The following THSD7B variants were observed in gnomAD, a reference collection of about 807,000 sequenced individuals.
The protein encoded by THSD7B is thrombospondin type-1 domain-containing protein 7B.
A neutral mutation model predicts 213.6 loss-of-function variants in THSD7B; 138 were observed. The observed-to-expected ratio is 0.65, with a 90% CI of 0.56 to 0.74. THSD7B has a LOEUF of 0.74. THSD7B is among the 30% of genes least tolerant of loss of function. THSD7B has a pLI of 0.00. For missense variants in THSD7B, 1,931 were observed against 1,991.5 expected (o/e 0.97, Z 0.58); for synonymous variants, 742 against 687.0 (o/e 1.08, Z -1.25).
At chr2:137,091,487 C>G (rs557606000) in intron 3 of THSD7B, among the ~76,000 whole-genome samples, 22 of 144,438 alleles carry the variant, frequency 1.5e-4, no homozygotes, top group African/African-American at 5.8e-4. Context: ...GGTCAAACAA[C>G]AGATTTTTAT....
chr2:137,280,690 T>G (rs1372284798), intron 12 of THSD7B, among the ~76,000 whole-genome samples: 2 of 152,146 alleles, frequency 1.3e-5, no homozygotes, highest in Non-Finnish European at 2.9e-5. Flanking sequence ...AGTCTTGTGC[T>G]TTATCAGAAT....
intron 27 of THSD7B, among the ~76,000 whole-genome samples, chr2:137,670,597 C>G (rs1030277396): frequency 2.6e-5 from 4 of 152,102 alleles, no homozygotes; most frequent in Admixed American, 2.6e-4. Flanking sequence ...TATCTTACAT[C>G]ATATATAAAT....
intron 1 of THSD7B, among the ~76,000 whole-genome samples, chr2:136,843,126 A>G (rs1291842365): frequency 6.8e-6 from 1 of 147,154 alleles, no homozygotes; most frequent in Non-Finnish European, 1.5e-5. Flanking sequence ...CTTTGCTTCC[A>G]AATACGGCAT....
Position 136,793,044 on chromosome 2 carries a change from C to T in THSD7B, c.-36+27357C>T, listed in dbSNP as rs144452099. Among the ~76,000 whole-genome samples, 425 of 152,046 alleles carry T rather than the reference C, an allele frequency of 2.8e-3. 2 individuals are homozygous for T. The highest frequency in any genetic ancestry group is 9.5e-3 in the African/African-American group (394 of 41,506). On this transcript the variant is annotated intron_variant, in intron 1 of 27. Coordinates refer to ENST00000409968, the MANE Select transcript of THSD7B (RefSeq NM_001316349.2). The stretch of plus-strand genomic sequence containing the variant: ...CTGCTATGAATAATGCTGCTATAAA[C>T]ATTTGGCTACACGTCTTTCTGTGTG...
chr2:137,060,906 G>C (rs547941281), intron 3 of THSD7B, among the ~76,000 whole-genome samples: 1 of 151,618 alleles, frequency 6.6e-6, no homozygotes, highest in Non-Finnish European at 1.5e-5. Flanking sequence ...GATTTTGATT[G>C]GGATTGCATG....
chr2:136,963,192 G>A (rs1685255121), intron 2 of THSD7B, among the ~76,000 whole-genome samples: 1 of 152,148 alleles, frequency 6.6e-6, no homozygotes. Context: ...GTTTGACACT[G>A]CATGCTATCT....
chr2:136,785,085 C>T (rs1383552847), intron 1 of THSD7B, among the ~76,000 whole-genome samples: 1 of 152,162 alleles, frequency 6.6e-6, no homozygotes, highest in Non-Finnish European at 1.5e-5. Context: ...TTCTGGCCCG[C>T]AGGAGTCTGC....
intron 12 of THSD7B, among the ~76,000 whole-genome samples, chr2:137,404,117 T>G (rs1019104667): frequency 2.0e-5 from 3 of 151,966 alleles, no homozygotes; most frequent in Admixed American, 6.6e-5. Flanking sequence ...TCAGTAAAAA[T>G]TTAAGCAAAA....
intron 15 of THSD7B, among the ~76,000 whole-genome samples, chr2:137,507,405 C>T (rs1285269344): frequency 2.0e-5 from 3 of 152,078 alleles, no homozygotes; most frequent in South Asian, 2.1e-4. Flanking sequence ...CTTTGGGGTT[C>T]GGTGATTTGA....
At chr2:137,609,182 A>C (rs191218164) in intron 17 of THSD7B, among the ~76,000 whole-genome samples, 1 of 152,120 alleles carries the variant, frequency 6.6e-6, no homozygotes, top group Admixed American at 6.6e-5. Flanking sequence ...GTTGAAATCT[A>C]TTGTCGAGTA....
At chr2:137,191,423 T>C (rs1046419742) in intron 7 of THSD7B, among the ~76,000 whole-genome samples, 15 of 152,006 alleles carry the variant, frequency 9.9e-5, no homozygotes, top group African/African-American at 3.6e-4. Context: ...AGGAACAAAG[T>C]ATGGGGCTTA....
At chr2:137,049,252 C>A (rs1161084619) in intron 2 of THSD7B, among the ~76,000 whole-genome samples, 1 of 152,220 alleles carries the variant, frequency 6.6e-6, no homozygotes, top group African/African-American at 2.4e-5. Context: ...TTCGGCCCCA[C>A]ACACCAGCTG....
chr2:137,460,455 A>C (rs373607190), intron 15 of THSD7B, among the ~76,000 whole-genome samples: 2 of 152,258 alleles, frequency 1.3e-5, no homozygotes, highest in African/African-American at 4.8e-5. Context: ...CCTTTTAGAA[A>C]TAAATTATGC....
chr2:137,348,119 C>G (rs1684918985), intron 12 of THSD7B, among the ~76,000 whole-genome samples: 1 of 151,580 alleles, frequency 6.6e-6, no homozygotes, highest in African/African-American at 2.4e-5. Context: ...ATCTTAAAGG[C>G]TCTAATGTGA....
chr2:136,880,467 C>T (rs1683600016), intron 1 of THSD7B, among the ~76,000 whole-genome samples: 1 of 152,134 alleles, frequency 6.6e-6, no homozygotes, highest in African/African-American at 2.4e-5. Context: ...CTCCTTCACT[C>T]CACTACAGTT....
intron 1 of THSD7B, among the ~76,000 whole-genome samples, chr2:136,825,718 A>ATTTTTTTTTTTTTTGTTTTTTG (rs759978910): frequency 6.0e-5 from 7 of 116,896 alleles, no homozygotes; most frequent in Middle Eastern, 4.1e-3. Context: ...TGCCTGGCTA[A>ATTTTTTTTTTTTTTGTTTTTTG]TTTTTTTTTT....
intron 15 of THSD7B, among the ~76,000 whole-genome samples, chr2:137,514,455 C>T (rs1573677475): frequency 6.6e-6 from 1 of 152,178 alleles, no homozygotes; most frequent in Non-Finnish European, 1.5e-5. Flanking sequence ...GGACTGGCTT[C>T]CTTGCTCCTC....
intron 4 of THSD7B, among the ~76,000 whole-genome samples, chr2:137,098,030 A>G (rs979733894): frequency 6.6e-6 from 1 of 152,198 alleles, no homozygotes; most frequent in Admixed American, 6.5e-5. Flanking sequence ...CTATGTACTA[A>G]CATTTGCTTT....
intron 2 of THSD7B, among the ~76,000 whole-genome samples, chr2:136,972,866 A>C (rs966892250): frequency 1.3e-5 from 2 of 151,992 alleles, no homozygotes; most frequent in African/African-American, 4.8e-5. Context: ...GCAACTACAC[A>C]GACATGGGTA....
Sources: gnomAD v4.1 joint callset for allele counts (sites outside exome capture counted in the v4.1 genomes callset) on GRCh38, gnomAD v4.1.1 for gene constraint, MANE v1.5 for transcripts, NCBI Gene and HGNC (gene_info 2026-07-23, HGNC 2026-07-21) for gene names.